CLINT1: variants seen among roughly 807,000 people sequenced by gnomAD.
CLINT1 encodes the protein clathrin interacting protein localized in the trans-Golgi region.
In CLINT1, 15 loss-of-function variants were observed where a neutral mutation model predicts 70.4. The ratio of observed to expected loss-of-function variants is 0.21; its 90% CI spans 0.14 to 0.33. The LOEUF (loss-of-function observed/expected upper bound fraction) is 0.33. Among genes scored for constraint, CLINT1 ranks in the 10% least tolerant of loss-of-function variants. CLINT1 has a pLI of 1.00. For synonymous variants in CLINT1, 227 were observed against 254.7 expected, an observed-to-expected ratio of 0.89 and a Z score of 1.04; for missense variants, 615 against 778.1, an observed-to-expected ratio of 0.79 and a Z score of 2.49.
intron 6 of CLINT1, among the ~76,000 whole-genome samples, chr5:157,807,868 T>C (rs1451820912): frequency 6.6e-6 from 1 of 152,136 alleles, no homozygotes; most frequent in Non-Finnish European, 1.5e-5. Context: ...ATAGCGTTAT[T>C]GTTTATAAGT....
chr5:157,829,019 T>C (rs758233164), intron 1 of CLINT1, among the ~76,000 whole-genome samples: 4 of 151,598 alleles, frequency 2.6e-5, no homozygotes, highest in African/African-American at 4.9e-5. Flanking sequence ...AGAGAATTGG[T>C]TGAACCCGGG....
intron 3 of CLINT1, 41 bp from the exon 4 acceptor site, chr5:157,814,334 T>A (rs1762647034): frequency 7.5e-7 from 1 of 1,328,790 alleles, no homozygotes; most frequent in Admixed American, 1.9e-5. Flanking sequence ...ATGAAATATA[T>A]TCTAGTAGAG....
At chr5:157,854,209 G>GAA (rs1343449607) in intron 1 of CLINT1, among the ~76,000 whole-genome samples, 4 of 152,138 alleles carry the variant, frequency 2.6e-5, no homozygotes, top group Non-Finnish European at 5.9e-5. Context: ...GAAAAGAAAA[G>GAA]AAAAATAATC....
intron 3 of CLINT1, 94 bp from the exon 4 acceptor site, chr5:157,814,387 T>C (rs970976022): frequency 2.4e-6 from 2 of 841,982 alleles, no homozygotes; most frequent in African/African-American, 3.4e-5. Flanking sequence ...CATTAGCAAA[T>C]AAAGAATCTT....
chr5:157,816,601 A>G, intron 3 of CLINT1, 133 bp downstream of exon 3: 1 of 581,210 alleles, frequency 1.7e-6, no homozygotes, highest in Non-Finnish European at 3.0e-6. Flanking sequence ...TAACAAATCT[A>G]CTTCTTTCAT....
chr5:157,824,329 G>A (rs895529569), intron 1 of CLINT1, among the ~76,000 whole-genome samples: 3 of 152,140 alleles, frequency 2.0e-5, no homozygotes, highest in Non-Finnish European at 2.9e-5. Context: ...TTACAGTCCT[G>A]TGAACAGTAT....
chr5:157,854,695 A>T (rs1330183967), intron 1 of CLINT1, among the ~76,000 whole-genome samples: 1 of 152,250 alleles, frequency 6.6e-6, no homozygotes, highest in Non-Finnish European at 1.5e-5. Context: ...TACATTATCT[A>T]AACATTTAGG....
Position 157,803,634 on chromosome 5 carries a change from C to T in CLINT1, c.1012+16G>A, listed in dbSNP as rs1407354865. The T allele has an allele frequency of 6.9e-7, 1 of 1,448,532 alleles. No individual in the cohort carries two copies. The highest frequency in any genetic ancestry group is 9.2e-7 in the Non-Finnish European group (1 of 1,086,420). 89.7% of individuals were successfully genotyped at this position (1,448,532 alleles called of 1,614,324 possible). On this transcript the variant is annotated intron_variant, in intron 8 of 11. Coordinates refer to ENST00000411809, the MANE Select transcript of CLINT1 (RefSeq NM_014666.4). ...TGACTCTCAAACCAAAAGAAAAGGCCAATGTAGAAGCTTACCTGTTGACTG... is the reference window on the plus strand; with the variant it reads ...TGACTCTCAAACCAAAAGAAAAGGCTAATGTAGAAGCTTACCTGTTGACTG...
chr5:157,857,566 A>G (rs1443909084), intron 1 of CLINT1, among the ~76,000 whole-genome samples: 14 of 152,248 alleles, frequency 9.2e-5, no homozygotes, highest in African/African-American at 2.9e-4. Flanking sequence ...TAATATAAAC[A>G]TATTCTGTTA....
intron 1 of CLINT1, among the ~76,000 whole-genome samples, chr5:157,843,574 C>T (rs1018515160): frequency 6.6e-6 from 1 of 152,162 alleles, no homozygotes. Context: ...TCTTGACTCA[C>T]GTCCCTCCTA....
At chr5:157,792,089 G>GGGGGACTCAGATC in intron 9 of CLINT1, 94 bp from the exon 10 acceptor site, 1 of 1,047,608 alleles carries the variant, frequency 9.5e-7, no homozygotes, top group Non-Finnish European at 1.4e-6. Context: ...GAGCTGATCT[G>GGGGGACTCAGATC]AGTCCCCCAG....
intron 1 of CLINT1, among the ~76,000 whole-genome samples, chr5:157,847,745 G>T (rs543429629): frequency 1.7e-4 from 26 of 152,286 alleles, no homozygotes; most frequent in Non-Finnish European, 3.1e-4. Context: ...TTCTAGATGA[G>T]CAAAATAAGT....
intron 1 of CLINT1, among the ~76,000 whole-genome samples, chr5:157,822,752 G>A (rs1273622027): frequency 2.0e-5 from 3 of 152,198 alleles, no homozygotes; most frequent in African/African-American, 7.2e-5. Flanking sequence ...AAGCTAAAAT[G>A]AGGCTTTTAC....
At chr5:157,842,380 G>A (rs890142247) in intron 1 of CLINT1, among the ~76,000 whole-genome samples, 2 of 152,056 alleles carry the variant, frequency 1.3e-5, no homozygotes, top group African/African-American at 4.8e-5. Context: ...CATGAATCCG[G>A]GAGGCGGAGC....
intron 9 of CLINT1, among the ~76,000 whole-genome samples, 181 bp downstream of exon 9, chr5:157,794,717 T>C (rs562697595): frequency 9.8e-5 from 15 of 152,322 alleles, no homozygotes; most frequent in Admixed American, 5.2e-4. Flanking sequence ...GTAACCAAAA[T>C]AATTCATTTG....
chr5:157,823,840 G>T, intron 1 of CLINT1: 4 of 231,728 alleles, frequency 1.7e-5, no homozygotes, highest in Middle Eastern at 2.2e-3. Flanking sequence ...GCAGTGGCGA[G>T]CGAGCGTCAC....
intron 1 of CLINT1, among the ~76,000 whole-genome samples, chr5:157,819,106 T>TA (rs1282559436): frequency 1.3e-5 from 2 of 152,188 alleles, no homozygotes; most frequent in East Asian, 3.8e-4. Context: ...TCAAATCTCT[T>TA]AAATATAAAT....
intron 1 of CLINT1, among the ~76,000 whole-genome samples, chr5:157,834,696 AC>A (rs1763362118): frequency 6.6e-6 from 1 of 152,056 alleles, no homozygotes; most frequent in South Asian, 2.1e-4. Context: ...CTCTTTTCAA[AC>A]CTAGTTTTCA....
chr5:157,809,919 C>T (rs1015028089), intron 5 of CLINT1, 114 bp from the exon 6 acceptor site: 2 of 1,021,910 alleles, frequency 2.0e-6, no homozygotes, highest in African/African-American at 3.3e-5. Flanking sequence ...CAAAGGAAAA[C>T]AGAAAGCTCC....
Sources: allele counts gnomAD v4.1 joint callset (sites outside exome capture counted in the v4.1 genomes callset), GRCh38; gene constraint gnomAD v4.1.1; transcripts MANE v1.5; gene names NCBI Gene and HGNC (gene_info 2026-07-23, HGNC 2026-07-21).